The following DGKB variants were observed in gnomAD, a reference collection of about 807,000 sequenced individuals.
The protein encoded by DGKB is 90 kDa diacylglycerol kinase.
In DGKB, 67 loss-of-function variants were observed where a neutral mutation model predicts 114.3. That is an observed-to-expected ratio of 0.59 (90% CI 0.48 to 0.72). DGKB has a LOEUF of 0.72. Among genes scored for constraint, DGKB ranks in the 30% least tolerant of loss-of-function variants. The pLI is 0.00. For synonymous variants in DGKB, 398 were observed against 323.1 expected, an observed-to-expected ratio of 1.23 and a Z score of -2.49; for missense variants, 907 against 975.2, an observed-to-expected ratio of 0.93 and a Z score of 0.93.
chr7:14,694,314 C>T, intron 8 of DGKB, 120 bp from the exon 9 acceptor site: 1 of 853,812 alleles, frequency 1.2e-6, no homozygotes, highest in Non-Finnish European at 1.8e-6. Flanking sequence ...GTCTTGCTAA[C>T]TCAGTACAAC....
intron 23 of DGKB, among the ~76,000 whole-genome samples, chr7:14,219,795 T>G (rs547754194): frequency 6.7e-4 from 102 of 151,900 alleles, no homozygotes; most frequent in African/African-American, 2.4e-3. Flanking sequence ...AATTTACATA[T>G]TTTTTCTTTT....
intron 23 of DGKB, among the ~76,000 whole-genome samples, chr7:14,326,404 C>T (rs368133620): frequency 2.4e-4 from 36 of 152,132 alleles, no homozygotes; most frequent in African/African-American, 8.2e-4. Flanking sequence ...AATGTCTTCC[C>T]ACCCAAGCTA....
chr7:14,560,454 G>A (rs1456973753), intron 20 of DGKB, among the ~76,000 whole-genome samples: 1 of 152,130 alleles, frequency 6.6e-6, no homozygotes, highest in Non-Finnish European at 1.5e-5. Flanking sequence ...ATGCAATTAT[G>A]AAGTAGTTGT....
At chr7:14,697,886 GAGAA>G (rs1824315639) in intron 8 of DGKB, among the ~76,000 whole-genome samples, 1 of 140,216 alleles carries the variant, frequency 7.1e-6, no homozygotes, top group African/African-American at 2.8e-5. Context: ...GGAGGGAGGG[GAGAA>G]AGAAAGAGAA....
chr7:14,591,354 T>C (rs1248954445), intron 17 of DGKB, among the ~76,000 whole-genome samples: 1 of 152,156 alleles, frequency 6.6e-6, no homozygotes, highest in Non-Finnish European at 1.5e-5. Context: ...CTGAATTTAT[T>C]TGCACCATTT....
chr7:14,956,754 G>C (rs1354462203), intron 1 of DGKB, among the ~76,000 whole-genome samples: 1 of 151,972 alleles, frequency 6.6e-6, no homozygotes. Context: ...AACCATGAGT[G>C]CAATGGAGCA....
chr7:14,761,583 C>A (rs1835702651), intron 2 of DGKB, among the ~76,000 whole-genome samples: 1 of 152,174 alleles, frequency 6.6e-6, no homozygotes, highest in Non-Finnish European at 1.5e-5. Context: ...CCTGACCTGC[C>A]TTCTAGGACA....
chr7:14,197,024 C>T (rs1785127781), intron 23 of DGKB, among the ~76,000 whole-genome samples: 2 of 152,080 alleles, frequency 1.3e-5, no homozygotes, highest in Non-Finnish European at 2.9e-5. Flanking sequence ...CCTCTAGCAA[C>T]ACTTGAAACC....
chr7:14,921,799 C>T (rs1055316746), intron 1 of DGKB, among the ~76,000 whole-genome samples: 2 of 152,082 alleles, frequency 1.3e-5, no homozygotes, highest in Admixed American at 1.3e-4. Context: ...GAATTTGAAA[C>T]TTACCCTAAA....
intron 6 of DGKB, among the ~76,000 whole-genome samples, chr7:14,703,593 T>C (rs1825603428): frequency 6.6e-6 from 1 of 152,210 alleles, no homozygotes. Flanking sequence ...CAGATGCTAG[T>C]GACCTAAGCA....
intron 2 of DGKB, among the ~76,000 whole-genome samples, chr7:14,766,891 A>C (rs1836538667): frequency 1.3e-5 from 2 of 151,964 alleles, no homozygotes; most frequent in South Asian, 2.1e-4. Context: ...ATCAAGTTAA[A>C]TGAGGAGCAG....
At chr7:14,184,856 G>A (rs756598349) in intron 23 of DGKB, among the ~76,000 whole-genome samples, 3 of 152,114 alleles carry the variant, frequency 2.0e-5, no homozygotes, top group African/African-American at 4.8e-5. Flanking sequence ...AGCAAAATCG[G>A]TATGCAAGGG....
rs188381248 is a variant in DGKB, at chr7:14,554,889, T to C, written c.1770+19323A>G. Reference sequence around the variant, plus strand: ...AATATTTAAGTTTATTCACCCTATCTTTATTATTTTTGTTGAAAACATTTT... The same window carrying C: ...AATATTTAAGTTTATTCACCCTATCCTTATTATTTTTGTTGAAAACATTTT... On this transcript the variant is annotated intron_variant, in intron 20 of 25. Coordinates refer to ENST00000402815, the MANE Select transcript of DGKB (RefSeq NM_001350709.2). Among the ~76,000 whole-genome samples, 699 of 152,274 alleles carry C rather than the reference T, an allele frequency of 4.6e-3. 1 individual carries two copies. Among genetic ancestry groups the C allele is most frequent in the African/African-American group, 0.012 (494 of 41,566 alleles).
At chr7:14,179,254 G>T (rs887748662) in intron 23 of DGKB, among the ~76,000 whole-genome samples, 2 of 152,232 alleles carry the variant, frequency 1.3e-5, no homozygotes, top group Admixed American at 6.5e-5. Flanking sequence ...CCAAGACTCA[G>T]TGACAGCCCA....
chr7:14,744,299 C>G (rs1350814538), intron 4 of DGKB, among the ~76,000 whole-genome samples: 2 of 152,156 alleles, frequency 1.3e-5, no homozygotes, highest in Non-Finnish European at 2.9e-5. Flanking sequence ...GGCAACAGTA[C>G]ACAGTTGGAG....
At chr7:14,648,937 T>C (rs1345951119) in intron 13 of DGKB, among the ~76,000 whole-genome samples, 1 of 109,494 alleles carries the variant, frequency 9.1e-6, no homozygotes, top group Non-Finnish European at 1.9e-5. Flanking sequence ...AGAAGGGAAG[T>C]TTAGAGAAAA....
At chr7:14,750,512 T>C (rs545259195) in intron 4 of DGKB, among the ~76,000 whole-genome samples, 44 of 152,272 alleles carry the variant, frequency 2.9e-4, no homozygotes, top group African/African-American at 8.9e-4. Flanking sequence ...TCCATCTCCA[T>C]TCTGATGCCC....
chr7:14,161,162 A>G (rs1397903287), intron 25 of DGKB, among the ~76,000 whole-genome samples: 1 of 152,186 alleles, frequency 6.6e-6, no homozygotes, highest in Non-Finnish European at 1.5e-5. Context: ...GTCAGGAAAC[A>G]ACAGATGCTG....
intron 2 of DGKB, among the ~76,000 whole-genome samples, chr7:14,772,660 A>G (rs773180594): frequency 6.6e-6 from 1 of 152,176 alleles, no homozygotes; most frequent in African/African-American, 2.4e-5. Flanking sequence ...ATCATCTGTT[A>G]CACTGACACC....
Sources: allele counts gnomAD v4.1 joint callset (sites outside exome capture counted in the v4.1 genomes callset), GRCh38; gene constraint gnomAD v4.1.1; transcripts MANE v1.5; gene names NCBI Gene and HGNC (gene_info 2026-07-23, HGNC 2026-07-21).